The following PKP1 variants were observed in gnomAD, a reference collection of about 807,000 sequenced individuals.
PKP1 encodes the protein plakophilin-1.
PKP1 carries 27 observed loss-of-function variants against 76.4 expected under a neutral mutation model. The ratio of observed to expected loss-of-function variants is 0.35; its 90% CI spans 0.26 to 0.49. The LOEUF (loss-of-function observed/expected upper bound fraction) is 0.49, where lower values mean the gene tolerates loss of function less well. Ranked by LOEUF, PKP1 falls within the 20% of genes least tolerant of loss-of-function variation. PKP1 has a pLI of 0.99. For missense variants in PKP1, 964 were observed against 955.2 expected (o/e 1.01, Z -0.12); for synonymous variants, 404 against 384.2 (o/e 1.05, Z -0.60).
chr1:201,301,777 C>G (rs1220704763), intron 2 of PKP1, among the ~76,000 whole-genome samples: 1 of 151,788 alleles, frequency 6.6e-6, no homozygotes, highest in Non-Finnish European at 1.5e-5. Flanking sequence ...TCTACTCAAC[C>G]AACCAGTATT....
chr1:201,307,412 A>T (rs562532890), intron 2 of PKP1, among the ~76,000 whole-genome samples: 1 of 152,024 alleles, frequency 6.6e-6, no homozygotes, highest in Non-Finnish European at 1.5e-5. Context: ...CTGAAGTCCC[A>T]TCTGTTGTGA....
At chr1:201,285,391 T>C (rs1325870384) in intron 1 of PKP1, among the ~76,000 whole-genome samples, 1 of 151,916 alleles carries the variant, frequency 6.6e-6, no homozygotes, top group African/African-American at 2.4e-5. Context: ...GCCCCAGACC[T>C]AAAGGCCTTT....
At chr1:201,321,872 A>G in intron 7 of PKP1, 106 bp from the exon 8 acceptor site, 2 of 1,325,420 alleles carry the variant, frequency 1.5e-6, no homozygotes, top group Non-Finnish European at 1.1e-6. Flanking sequence ...ATCTTTCCCG[A>G]TGCAGCCCAG....
chr1:201,293,843 T>C, intron 1 of PKP1, 99 bp from the exon 2 acceptor site: 1 of 786,250 alleles, frequency 1.3e-6, no homozygotes, highest in African/African-American at 1.7e-5. Flanking sequence ...GTCTCCTCCA[T>C]GGGCATAGTG....
chr1:201,316,322 AG>A, intron 3 of PKP1: 1 of 563,686 alleles, frequency 1.8e-6, no homozygotes. Flanking sequence ...AACTGTGACC[AG>A]GGGCTCACTA....
intron 12 of PKP1, chr1:201,328,417 G>T (rs888505768): frequency 1.1e-5 from 4 of 378,992 alleles, no homozygotes; most frequent in African/African-American, 8.3e-5. Flanking sequence ...GAGGTGGTCA[G>T]AGGGAAGAAC....
intron 9 of PKP1, among the ~76,000 whole-genome samples, chr1:201,323,800 G>A (rs765480798): frequency 6.6e-6 from 1 of 152,134 alleles, no homozygotes; most frequent in Admixed American, 6.5e-5. Flanking sequence ...CCCTGGCTGT[G>A]AGGAGAGAGG....
chr1:201,319,065 A>G (rs996419240), intron 6 of PKP1, among the ~76,000 whole-genome samples: 5 of 152,154 alleles, frequency 3.3e-5, no homozygotes, highest in African/African-American at 1.2e-4. Flanking sequence ...TGAATATCCA[A>G]ACTGGTTCAA....
rs1344498221 is a variant in PKP1, at chr1:201,313,454, T to C, written c.595T>C (p.Cys199Arg). The C allele has an allele frequency of 6.2e-7, 1 of 1,609,030 alleles. No individual in the cohort carries two copies. Among genetic ancestry groups the C allele is most frequent in the African/African-American group, 1.3e-5 (1 of 74,900 alleles). The change falls in exon 3 of 14, where the codon TGC (cysteine) becomes CGC (arginine). Residue 199 changes from cysteine to arginine, a missense_variant. Transcript: ENST00000367324. ...CAGTGGTCAGAAGGCCATAAAGAAGTGCCCTGTGCGCCCGCCCTCTTGTGC... is the reference window on the plus strand; with the variant it reads ...CAGTGGTCAGAAGGCCATAAAGAAGCGCCCTGTGCGCCCGCCCTCTTGTGC... ...TCSGQKAIKK[C>R]PVRPPSCASK...
In PKP1 at chr1:201,332,462, A is replaced by G. The variant is rs971702680; in HGVS notation, c.*2421A>G. 1 of 152,266 alleles carries G rather than the reference A, an allele frequency of 6.6e-6. No homozygotes were observed. 9.4% of individuals were successfully genotyped at this position (152,266 alleles called of 1,614,324 possible). ...GGCAAAACTGAGAGGGGCTTTTCCT[A>G]GAGAAAGAGAACAAGGAGCTTGCCA... On this transcript the variant is annotated 3_prime_UTR_variant, in exon 14 of 14. Coordinates refer to ENST00000367324, the MANE Select transcript of PKP1 (RefSeq NM_001005337.3).
chr1:201,287,165 G>C (rs1185293254), intron 1 of PKP1, among the ~76,000 whole-genome samples: 1 of 152,132 alleles, frequency 6.6e-6, no homozygotes, highest in Non-Finnish European at 1.5e-5. Flanking sequence ...TAGAAGTACT[G>C]TTTCCCATCT....
At chr1:201,286,909 T>C (rs1202918716) in intron 1 of PKP1, among the ~76,000 whole-genome samples, 1 of 152,092 alleles carries the variant, frequency 6.6e-6, no homozygotes, top group African/African-American at 2.4e-5. Context: ...CTTTATAACT[T>C]CACTTGGAAT....
At chr1:201,299,643 A>C (rs1334814350) in intron 2 of PKP1, among the ~76,000 whole-genome samples, 1 of 152,206 alleles carries the variant, frequency 6.6e-6, no homozygotes, top group Non-Finnish European at 1.5e-5. Flanking sequence ...CTACAGATGG[A>C]TAAAAGCTTC....
At chr1:201,310,060 G>A (rs1348843483) in intron 2 of PKP1, among the ~76,000 whole-genome samples, 1 of 152,120 alleles carries the variant, frequency 6.6e-6, no homozygotes, top group Admixed American at 6.5e-5. Flanking sequence ...ACTTTCCTGG[G>A]CTGTCTTGGC....
At chr1:201,314,430 C>T (rs1404085259) in intron 3 of PKP1, among the ~76,000 whole-genome samples, 1 of 152,120 alleles carries the variant, frequency 6.6e-6, no homozygotes, top group Non-Finnish European at 1.5e-5. Flanking sequence ...TCACTGCACT[C>T]CAGCCTGGGC....
chr1:201,312,493 T>G (rs1464434770), intron 2 of PKP1, among the ~76,000 whole-genome samples: 1 of 152,164 alleles, frequency 6.6e-6, no homozygotes, highest in African/African-American at 2.4e-5. Flanking sequence ...GACTGTACCA[T>G]GTGGGACCAG....
At position 201,307,696 on chromosome 1, in the gene PKP1, A is replaced by C. The variant is rs146281413; in HGVS notation, c.307-5470A>C. ...GAACAAGGGTCACTACATGCCTACT[A>C]CATGAGAGCCCCTCATCTGGGCACT... On this transcript the variant is annotated intron_variant, in intron 2 of 13. Coordinates refer to ENST00000367324, the MANE Select transcript of PKP1 (RefSeq NM_001005337.3). 4.1e-4 allele frequency among the ~76,000 whole-genome samples: 62 copies of C among 152,310 alleles called. 1 individual carries two copies. Among genetic ancestry groups the C allele is most frequent in the African/African-American group, 1.4e-3 (59 of 41,568 alleles).
intron 2 of PKP1, among the ~76,000 whole-genome samples, chr1:201,295,606 G>A (rs905996263): frequency 2.6e-5 from 4 of 152,218 alleles, no homozygotes; most frequent in East Asian, 1.9e-4. Context: ...CAGATGGTAC[G>A]TGTCTTTACT....
intron 2 of PKP1, among the ~76,000 whole-genome samples, chr1:201,306,168 C>T (rs564138157): frequency 4.5e-4 from 68 of 152,342 alleles, no homozygotes; most frequent in African/African-American, 1.6e-3. Flanking sequence ...ACCTATTTCT[C>T]AGGTGTAGAG....
Sources: gnomAD v4.1 joint callset for allele counts (sites outside exome capture counted in the v4.1 genomes callset) on GRCh38, gnomAD v4.1.1 for gene constraint, MANE v1.5 for transcripts, NCBI Gene and HGNC (gene_info 2026-07-23, HGNC 2026-07-21) for gene names.